Variants in NAALADL2 observed in about 807,000 individuals in gnomAD.
NAALADL2 encodes N-acetylated alpha-linked acidic dipeptidase like 2, also known as inactive N-acetylated-alpha-linked acidic dipeptidase-like protein 2.
In NAALADL2, 76 loss-of-function variants were observed where a neutral mutation model predicts 87.2. The ratio of observed to expected loss-of-function variants is 0.87; its 90% CI spans 0.72 to 1.05. The LOEUF is 1.05. Among genes scored for constraint, NAALADL2 ranks in the 50% least tolerant of loss-of-function variants. NAALADL2 has a pLI of 0.00. For synonymous variants in NAALADL2, 354 were observed against 331.0 expected, an observed-to-expected ratio of 1.07 and a Z score of -0.75; for missense variants, 1,089 against 945.8, an observed-to-expected ratio of 1.15 and a Z score of -1.99.
At chr3:174,704,467 G>A (rs1431373168) in intron 2 of NAALADL2, among the ~76,000 whole-genome samples, 1 of 151,938 alleles carries the variant, frequency 6.6e-6, no homozygotes, top group East Asian at 1.9e-4. Context: ...AATTAATACT[G>A]AATTTAATTT....
At chr3:174,787,604 T>TATATATATATATATACACACACAC (rs1560225741) in intron 3 of NAALADL2, among the ~76,000 whole-genome samples, 1 of 87,944 alleles carries the variant, frequency 1.1e-5, no homozygotes, top group Non-Finnish European at 2.4e-5. Flanking sequence ...TATATATATA[T>TATATATATATATATACACACACAC]ATATATATAT....
intron 13 of NAALADL2, among the ~76,000 whole-genome samples, chr3:175,770,153 T>G (rs762171247): frequency 1.3e-5 from 2 of 152,150 alleles, no homozygotes; most frequent in South Asian, 2.1e-4. Context: ...CCTCACTACA[T>G]TGACACGTAA....
intron 11 of NAALADL2, among the ~76,000 whole-genome samples, chr3:175,632,751 C>T (rs1727972078): frequency 6.6e-6 from 1 of 152,018 alleles, no homozygotes; most frequent in Non-Finnish European, 1.5e-5. Flanking sequence ...ATATGGAGTT[C>T]TGTAGTGCTA....
intron 1 of NAALADL2, among the ~76,000 whole-genome samples, chr3:174,527,253 G>T (rs1394443054): frequency 6.6e-6 from 1 of 152,070 alleles, no homozygotes; most frequent in Admixed American, 6.6e-5. Flanking sequence ...GGGCGCAGTG[G>T]GTCAGGCCTG....
chr3:175,226,542 C>T (rs1040087399), intron 2 of NAALADL2, among the ~76,000 whole-genome samples: 1 of 152,068 alleles, frequency 6.6e-6, no homozygotes, highest in Non-Finnish European at 1.5e-5. Flanking sequence ...AGAAAACTGA[C>T]TTATTTAATC....
rs1724309135 is a variant in NAALADL2 at position 175,467,811 on chromosome 3, A to T, written c.1533+627A>T. ...TGAGGTACAGTTAGAATACAACTGA[A>T]ATATTGGAGAATTTAAGTCTCAAAC... On this transcript the variant is annotated intron_variant, in intron 8 of 13. Coordinates refer to ENST00000454872, the MANE Select transcript of NAALADL2 (RefSeq NM_207015.3). 2.6e-5 allele frequency among the ~76,000 whole-genome samples: 4 copies of T among 152,244 alleles called. No homozygotes were observed. In the South Asian group the frequency reaches 8.3e-4, roughly 32 times the overall value.
At chr3:175,782,559 T>G (rs1751289214) in intron 13 of NAALADL2, among the ~76,000 whole-genome samples, 1 of 144,158 alleles carries the variant, frequency 6.9e-6, no homozygotes, top group Non-Finnish European at 1.5e-5. Flanking sequence ...GGTTGTTTGT[T>G]TTTTTCTTGT....
intron 6 of NAALADL2, among the ~76,000 whole-genome samples, chr3:175,461,356 T>C (rs1046112187): frequency 2.0e-5 from 3 of 152,152 alleles, no homozygotes; most frequent in Non-Finnish European, 4.4e-5. Flanking sequence ...CCCAGAGTGC[T>C]GATTGGTGCA....
At chr3:174,556,075 G>C (rs1712780175) in intron 2 of NAALADL2, among the ~76,000 whole-genome samples, 1 of 151,150 alleles carries the variant, frequency 6.6e-6, no homozygotes, top group African/African-American at 2.4e-5. Context: ...TACAGATATA[G>C]ATGTTGGTGT....
intron 1 of NAALADL2, among the ~76,000 whole-genome samples, chr3:174,949,608 C>T (rs1663753081): frequency 6.6e-6 from 1 of 152,180 alleles, no homozygotes; most frequent in Non-Finnish European, 1.5e-5. Flanking sequence ...TGGACCAGGA[C>T]CAACATCACA....
intron 1 of NAALADL2, among the ~76,000 whole-genome samples, chr3:174,890,758 G>A (rs138214916): frequency 1.5e-3 from 224 of 152,198 alleles, no homozygotes; most frequent in Middle Eastern, 0.01. Flanking sequence ...ATTTGACAGG[G>A]TGTATGTGGT....
intron 1 of NAALADL2, among the ~76,000 whole-genome samples, chr3:174,948,941 G>T (rs540437827): frequency 1.3e-5 from 2 of 152,286 alleles, no homozygotes; most frequent in South Asian, 2.1e-4. Context: ...CAAGATCAAG[G>T]TGCTGGTGAA....
At chr3:175,346,663 AT>A (rs149684755) in intron 5 of NAALADL2, among the ~76,000 whole-genome samples, 22,126 of 152,032 alleles carry the variant, frequency 0.15, 2,481 homozygotes, top group African/African-American at 0.32. Context: ...GAAAACTGAC[AT>A]TTTTTCAGTT....
intron 1 of NAALADL2, among the ~76,000 whole-genome samples, chr3:174,468,811 G>A (rs1246569899): frequency 1.4e-5 from 2 of 145,812 alleles, no homozygotes; most frequent in Non-Finnish European, 3.0e-5. Flanking sequence ...CACCCAGGCT[G>A]GAGTGCAGTG....
At chr3:175,161,443 A>G (rs969706217) in intron 2 of NAALADL2, among the ~76,000 whole-genome samples, 3 of 152,174 alleles carry the variant, frequency 2.0e-5, no homozygotes, top group African/African-American at 7.2e-5. Context: ...AATGCTGTAA[A>G]GCTATGCCAT....
At chr3:174,790,526 T>G (rs1296018739) in intron 3 of NAALADL2, among the ~76,000 whole-genome samples, 1 of 151,946 alleles carries the variant, frequency 6.6e-6, no homozygotes, top group East Asian at 1.9e-4. Flanking sequence ...TGCATGCCTT[T>G]AATCCCAGCT....
intron 1 of NAALADL2, among the ~76,000 whole-genome samples, chr3:175,071,538 A>G (rs1715643004): frequency 6.6e-6 from 1 of 152,036 alleles, no homozygotes; most frequent in Admixed American, 6.6e-5. Context: ...ACACATTTGT[A>G]ACACTCCTGT....
intron 1 of NAALADL2, among the ~76,000 whole-genome samples, chr3:174,947,947 A>G (rs1265001079): frequency 1.3e-5 from 2 of 152,090 alleles, no homozygotes; most frequent in African/African-American, 2.4e-5. Flanking sequence ...GTATACCTAC[A>G]TAGATGTAAA....
At chr3:174,683,512 A>T (rs1170720237) in intron 2 of NAALADL2, among the ~76,000 whole-genome samples, 1 of 152,146 alleles carries the variant, frequency 6.6e-6, no homozygotes, top group African/African-American at 2.4e-5. Flanking sequence ...TTTAAAAACT[A>T]TGAAAAGTAT....
Sources: gnomAD v4.1 joint callset for allele counts (sites outside exome capture counted in the v4.1 genomes callset) on GRCh38, gnomAD v4.1.1 for gene constraint, MANE v1.5 for transcripts, NCBI Gene and HGNC (gene_info 2026-07-23, HGNC 2026-07-21) for gene names.